The following DNHD1 variants were observed in gnomAD, a reference collection of about 807,000 sequenced individuals.
DNHD1 encodes the protein dynein heavy chain domain-containing protein 1.
Under a neutral mutation model 458.1 loss-of-function variants are expected in DNHD1, and 383 were observed. That is an observed-to-expected ratio of 0.84 (90% confidence interval 0.77 to 0.91). The LOEUF (loss-of-function observed/expected upper bound fraction) is 0.91. DNHD1 is among the 40% of genes least tolerant of loss of function. The probability of loss-of-function intolerance (pLI) is 0.00; values close to 1 mark genes in which losing one functional copy is unlikely to be tolerated. For synonymous variants in DNHD1, 2,203 were observed against 2,376.9 expected, an observed-to-expected ratio of 0.93 and a Z score of 2.13; for missense variants, 5,336 against 5,866.1, an observed-to-expected ratio of 0.91 and a Z score of 2.95.
At position 6,528,408 on chromosome 11, in the gene DNHD1, T is replaced by C. The variant is rs995928268; in HGVS notation, c.1838-114T>C. On this transcript the variant is annotated intron_variant, in intron 10 of 42. Transcript: ENST00000254579. Reference sequence around the variant, plus strand: ...CTCACTCATGAGCAGCGAATGGGTGTGTGTGTGTGTGTGTGTGTGTGTGTG... The same window carrying C: ...CTCACTCATGAGCAGCGAATGGGTGCGTGTGTGTGTGTGTGTGTGTGTGTG... 1.3e-3 allele frequency: 908 copies of C among 682,314 alleles called. 1 individual carries two copies. Among genetic ancestry groups the C allele is most frequent in the Non-Finnish European group, 1.8e-3 (854 of 471,908 alleles). 42.3% of individuals were successfully genotyped at this position (682,314 alleles called of 1,614,324 possible).
At position 6,565,109 on chromosome 11, in the gene DNHD1, G is replaced by A. The variant is rs575334726; in HGVS notation, c.10756+305G>A. ...TATTTCTGTTGGCTCTGTTTGGATC[G>A]GGGACCCATCTGGGTGGAGTATTGG... On this transcript the variant is annotated intron_variant, in intron 32 of 42. Transcript: ENST00000254579. 1.1e-3 allele frequency among the ~76,000 whole-genome samples: 168 copies of A among 152,244 alleles called. 1 individual carries two copies. The highest frequency in any genetic ancestry group is 2.9e-3 in the South Asian group (14 of 4,826).
At position 6,529,020 on chromosome 11, in the gene DNHD1, G is replaced by A. The variant is rs373664131; in HGVS notation, c.2246G>A (p.Arg749His). ...PIKNYVTLVS[R>H]LNVWQARVSS... ...AAGAACTACGTGACGCTGGTGAGCC[G>A]CCTGAATGTTTGGCAGGCCCGTGTC... The change falls in exon 12 of 43, where the codon CGC becomes CAC. Residue 749 changes from arginine to histidine, a missense_variant. Physicochemically the swap from Arg to His is conservative, Grantham distance 29. Around this residue, in one of 4 missense-constraint regions of DNHD1, gnomAD observed 3,932 missense variants for 4,365.6 expected, o/e 0.90. Coordinates refer to ENST00000254579, the MANE Select transcript of DNHD1 (RefSeq NM_144666.3). The A allele has an allele frequency of 1.1e-4, 167 of 1,551,270 alleles. No homozygotes were observed. The highest frequency in any genetic ancestry group is 5.2e-4 in the Middle Eastern group (3 of 5,782).
chr11:6,517,649 CTTCTTTTTTTTTT>C (rs1852506677), intron 7 of DNHD1, among the ~76,000 whole-genome samples: 1 of 85,614 alleles, frequency 1.2e-5, no homozygotes, highest in Admixed American at 1.7e-4. Flanking sequence ...TGATCTAGGA[CTTCTTTTTTTTTT>C]TTTTTTTTTT....
chr11:6,556,672 A>C lies in DNHD1; in HGVS notation c.7388-11A>C, dbSNP rs1353818325. ...TTACATGTCCTCATTATTATTCCTC[A>C]TGTCCCATAGACCCAGAGAAGAGCT... On this transcript the variant is annotated splice_polypyrimidine_tract_variant and intron_variant, in intron 24 of 42. Transcript: ENST00000254579. 21 of 1,530,240 alleles carry C rather than the reference A, an allele frequency of 1.4e-5. No homozygotes were observed. Among genetic ancestry groups the C allele is most frequent in the Non-Finnish European group, 1.9e-5 (21 of 1,132,664 alleles). 94.8% of individuals were successfully genotyped at this position (1,530,240 alleles called of 1,614,324 possible).
In DNHD1 at chr11:6,571,081, G is replaced by A. The variant is rs771315834; in HGVS notation, c.13569G>A (p.Ala4523=). The A allele has an allele frequency of 1.4e-5, 23 of 1,587,132 alleles. No homozygotes were observed. The highest frequency in any genetic ancestry group is 1.9e-5 in the Non-Finnish European group (22 of 1,166,278). The change falls in exon 42 of 43, where the codon GCG becomes GCA. Residue 4523 remains alanine, a synonymous_variant. Transcript: ENST00000254579. This position sits in a 1 kb window ranked among gnomAD's most constrained non-coding sequence, Gnocchi z 5.0. ...APPCPSRRCA[A]VAHALWTGRL... ...CGTGCCCCTCCCGCCGCTGTGCTGC[G>A]GTGGCCCACGCTCTCTGGACTGGCC...
chr11:6,549,026 C>A (rs1853280525), intron 24 of DNHD1, 93 bp downstream of exon 24: 2 of 1,341,866 alleles, frequency 1.5e-6, no homozygotes, highest in Admixed American at 2.5e-5. Context: ...AAATATATGT[C>A]TGTAGATCTA....
At chr11:6,499,923 T>A (rs1168505116) in intron 3 of DNHD1, among the ~76,000 whole-genome samples, 1 of 150,982 alleles carries the variant, frequency 6.6e-6, no homozygotes, top group Non-Finnish European at 1.5e-5. Context: ...GATTTCAGAA[T>A]GCTTACAGAG....
rs754008249 is a variant in DNHD1, at chr11:6,568,874, AC to A, written c.12863+13del. The A allele has an allele frequency of 5.6e-6, 9 of 1,601,928 alleles. No homozygotes were observed. The South Asian group carries it at 7.9e-5, about 14-fold the overall frequency. ...GGCACACAGGGGGCGCTGGTGAGGG[AC>A]CCCCACCCATTCCTGCTCAGTCAAT... On this transcript the variant is annotated intron_variant, in intron 39 of 42. Transcript: ENST00000254579.
intron 3 of DNHD1, 44 bp downstream of exon 3, chr11:6,499,005 G>A (rs1852088063): frequency 6.6e-7 from 1 of 1,525,606 alleles, no homozygotes; most frequent in African/African-American, 1.4e-5. Flanking sequence ...AGGAGAAAAA[G>A]TTGCTGTTTT....
chr11:6,535,962 T>A (rs1055011714), intron 14 of DNHD1, among the ~76,000 whole-genome samples: 1 of 151,970 alleles, frequency 6.6e-6, no homozygotes, highest in Non-Finnish European at 1.5e-5. Flanking sequence ...AATCAGACAA[T>A]AATTTGACCA....
intron 24 of DNHD1, among the ~76,000 whole-genome samples, chr11:6,553,802 T>C (rs1381437631): frequency 6.6e-6 from 1 of 152,182 alleles, no homozygotes; most frequent in East Asian, 1.9e-4. Flanking sequence ...ATTCAAGATC[T>C]GTACACTGAA....
At chr11:6,554,789 TCA>T (rs1853427354) in intron 24 of DNHD1, among the ~76,000 whole-genome samples, 1 of 152,226 alleles carries the variant, frequency 6.6e-6, no homozygotes, top group South Asian at 2.1e-4. Flanking sequence ...TGAAACTCTC[TCA>T]CTTTGATGGT....
rs1243443946 is a variant in DNHD1 at position 6,570,381 on chromosome 11, C to G, written c.13090C>G (p.Leu4364Val). ...PHTPQSLLAT[L>V]MPLPELRELD... ...CACACCTCAGTCTTTGCTGGCCACGCTCATGCCCCTCCCAGGTAAGCCTCA... is the reference window on the plus strand; with the variant it reads ...CACACCTCAGTCTTTGCTGGCCACGGTCATGCCCCTCCCAGGTAAGCCTCA... Residue 4364 changes from leucine (L) to valine (V), a missense_variant, in exon 41 of 43, where the codon CTC becomes GTC. By Grantham distance (32) the Leu-to-Val change is conservative (BLOSUM62 1). Transcript: ENST00000254579. 3 of 1,609,362 alleles carry G rather than the reference C, an allele frequency of 1.9e-6. No individual in the cohort carries two copies. The highest frequency in any genetic ancestry group is 4.5e-5 in the East Asian group (2 of 44,806).
Position 6,567,305 on chromosome 11 carries a change from C to T in DNHD1, c.11796C>T (p.Pro3932=). The T allele has an allele frequency of 6.2e-7, 1 of 1,614,068 alleles. No homozygotes were observed. The highest frequency in any genetic ancestry group is 8.5e-7 in the Non-Finnish European group (1 of 1,179,904). ...CTGCACTGGGCCTTACCCAAGTACC[C>T]TTGGTGGGTGCATTGGGCGCTTTGG... ...TVTALGLTQV[P]LVGALGALAL... is the part of the protein sequence containing the mutation. The change falls in exon 36 of 43, where the codon CCC becomes CCT. Residue 3932 remains proline (P), a synonymous_variant. Transcript: ENST00000254579.
chr11:6,557,129 G>A lies in DNHD1; in HGVS notation c.7834G>A (p.Gly2612Ser), dbSNP rs1339032509. ...GCTGCCCAACAGAACAGGCTCCCGA[G>A]GTTTTGTGGACTATCCCAACCACCA... is the stretch of plus-strand genomic sequence containing the variant. ...QLLPNRTGSR[G>S]FVDYPNHQEH... is the part of the protein sequence containing the mutation. Residue 2612 changes from glycine (G) to serine (S), a missense_variant, in exon 25 of 43, where the codon GGT becomes AGT. By Grantham distance (56) the Gly-to-Ser change is moderately conservative. Transcript: ENST00000254579. The A allele has an allele frequency of 6.4e-7, 1 of 1,551,618 alleles. No individual in the cohort carries two copies. Among genetic ancestry groups the A allele is most frequent in the Non-Finnish European group, 8.7e-7 (1 of 1,147,012 alleles).
chr11:6,548,043 A>G lies in DNHD1; in HGVS notation c.6905+3A>G. On this transcript the variant is annotated splice_donor_region_variant and intron_variant, in intron 22 of 42. Coordinates refer to ENST00000254579, the MANE Select transcript of DNHD1 (RefSeq NM_144666.3). This position sits in a 1 kb window ranked among gnomAD's most constrained non-coding sequence, Gnocchi z 4.4. ...TTTGGAGCCCACCTTCCCTCCAGGT[A>G]CCTACCAGGATGGGGGATGGGAGAT... 1 of 1,551,664 alleles carries G rather than the reference A, an allele frequency of 6.4e-7. No individual in the cohort carries two copies. Among genetic ancestry groups the G allele is most frequent in the Non-Finnish European group, 8.7e-7 (1 of 1,146,994 alleles).
Position 6,546,643 on chromosome 11 carries a change from A to G in DNHD1, c.5704A>G (p.Ser1902Gly). The G allele has an allele frequency of 2.6e-6, 4 of 1,551,532 alleles. No individual in the cohort carries two copies. Among genetic ancestry groups the G allele is most frequent in the Middle Eastern group, 1.7e-4 (1 of 5,992 alleles). Residue 1902 changes from serine (S) to glycine (G), a missense_variant, in exon 21 of 43, where the codon AGC (serine) becomes GGC (glycine). Physicochemically the swap from Ser to Gly is moderately conservative, Grantham distance 56. Transcript: ENST00000254579. ...GGAACCGAAGTGCCAGAAGCCTCGC[A>G]GCCTAGCTGCCATTGAGGAGGCTGC... is the stretch of plus-strand genomic sequence containing the variant. ...KEEPKCQKPR[S>G]LAAIEEAALL...
chr11:6,520,790 G>T (rs973259334), intron 10 of DNHD1: 1 of 991,944 alleles, frequency 1.0e-6, no homozygotes. Context: ...AACCATCAGC[G>T]TGGAAACACA....
rs148519267 is a variant in DNHD1 at position 6,565,292 on chromosome 11, G to A, written c.10757-403G>A. Among the ~76,000 whole-genome samples, 191 of 152,266 alleles carry A rather than the reference G, an allele frequency of 1.3e-3. 2 individuals carry two copies. The highest frequency in any genetic ancestry group is 4.4e-3 in the African/African-American group (183 of 41,546). ...AATGAGATCACCCTGATTCTTATCC[G>A]GATGGGCCCTAAATCCTGCAAGTGC... On this transcript the variant is annotated intron_variant, in intron 32 of 42. Coordinates refer to ENST00000254579, the MANE Select transcript of DNHD1 (RefSeq NM_144666.3).
Sources: gnomAD v4.1 joint callset for allele counts (sites outside exome capture counted in the v4.1 genomes callset) on GRCh38, gnomAD v4.1.1 for gene constraint, gnomAD v4.1.1 regional missense constraint, Gnocchi (gnomAD v3.1) non-coding constraint, MANE v1.5 for transcripts, NCBI Gene and HGNC (gene_info 2026-07-23, HGNC 2026-07-21) for gene names.